Variants in SPACA7 observed in about 807,000 individuals in gnomAD.
SPACA7 encodes the protein sperm acrosome-associated protein 7.
A neutral mutation model predicts 26.3 loss-of-function variants in SPACA7; 19 were observed. The ratio of observed to expected loss-of-function variants is 0.72; its 90% CI spans 0.50 to 1.06. SPACA7 has a LOEUF of 1.06. Ranked by LOEUF, SPACA7 falls within the 50% of genes least tolerant of loss-of-function variation. The pLI, the probability that SPACA7 is intolerant of heterozygous loss-of-function variation, is 0.00. For missense variants in SPACA7, 211 were observed against 229.9 expected (o/e 0.92, Z 0.53); for synonymous variants, 84 against 84.5 (o/e 0.99, Z 0.04).
chr13:112,394,352 C>T (rs562796917), intron 2 of SPACA7, among the ~76,000 whole-genome samples: 73 of 151,690 alleles, frequency 4.8e-4, no homozygotes, highest in Admixed American at 1.3e-4. Context: ...GGAGTGGGGT[C>T]GGGGTAGAGG....
At chr13:112,397,216 G>T (rs1206148767) in intron 2 of SPACA7, among the ~76,000 whole-genome samples, 1 of 152,174 alleles carries the variant, frequency 6.6e-6, no homozygotes, top group Non-Finnish European at 1.5e-5. Context: ...CTGGTCCTGG[G>T]GTGACCAGAC....
intron 5 of SPACA7, among the ~76,000 whole-genome samples, chr13:112,412,671 T>A (rs540482774): frequency 6.6e-6 from 1 of 152,330 alleles, no homozygotes; most frequent in Non-Finnish European, 1.5e-5. Context: ...TTCTTCTGCA[T>A]ATGAATGTCC....
rs139687710 is a variant in SPACA7 at position 112,398,133 on chromosome 13, C to A, written c.236C>A (p.Pro79Gln). 1.6e-5 allele frequency: 25 copies of A among 1,612,770 alleles called. No individual in the cohort carries two copies. In the East Asian group the frequency reaches 5.3e-4, roughly 35 times the overall value. ...MPSTASTLST[P>Q]LHAGIDENYQ... ...AGTACAGCATCAACATTATCAACAC[C>A]GTTACGTAAGGAGAAAAGCAAGCAC... Residue 79 changes from proline to glutamine, a missense_variant, in exon 3 of 7, where the codon CCG (proline) becomes CAG (glutamine). Physicochemically the swap from Pro to Gln is moderately conservative, Grantham distance 76 (BLOSUM62 -1). Coordinates refer to ENST00000283550, the MANE Select transcript of SPACA7 (RefSeq NM_145248.5).
chr13:112,407,960 A>G (rs2138989524), intron 5 of SPACA7, among the ~76,000 whole-genome samples: 1 of 152,360 alleles, frequency 6.6e-6, no homozygotes, highest in Middle Eastern at 3.4e-3. Context: ...CATTGATGCA[A>G]AAATCCTCAA....
intron 2 of SPACA7, among the ~76,000 whole-genome samples, chr13:112,397,845 A>C (rs1187970918): frequency 6.6e-6 from 1 of 152,100 alleles, no homozygotes; most frequent in Non-Finnish European, 1.5e-5. Context: ...AGTTTTTCTG[A>C]AATTATTGAG....
intron 5 of SPACA7, among the ~76,000 whole-genome samples, chr13:112,418,038 T>G (rs1886801994): frequency 6.6e-6 from 1 of 152,220 alleles, no homozygotes; most frequent in Admixed American, 6.5e-5. Flanking sequence ...CCTAGGCAGC[T>G]GCCATAGTCC....
intron 4 of SPACA7, 90 bp downstream of exon 4, chr13:112,399,263 C>A: frequency 1.3e-6 from 1 of 761,156 alleles, no homozygotes; most frequent in South Asian, 1.4e-5. Context: ...ACATCTCCTT[C>A]CTGGAGGATA....
At chr13:112,430,718 G>A (rs990435908) in intron 5 of SPACA7, among the ~76,000 whole-genome samples, 17 of 152,112 alleles carry the variant, frequency 1.1e-4, no homozygotes, top group African/African-American at 3.4e-4. Flanking sequence ...TATTACCCAC[G>A]GGTTTCACCA....
intron 4 of SPACA7, among the ~76,000 whole-genome samples, chr13:112,400,510 T>C (rs944214327): frequency 6.6e-6 from 1 of 152,208 alleles, no homozygotes; most frequent in African/African-American, 2.4e-5. Context: ...TAGGGATTAC[T>C]ATAGTCTGTG....
chr13:112,395,282 G>C (rs1257725273), intron 2 of SPACA7, among the ~76,000 whole-genome samples: 2 of 152,242 alleles, frequency 1.3e-5, no homozygotes, highest in African/African-American at 4.8e-5. Flanking sequence ...CGAATTGGAA[G>C]CGAGGACAAA....
At chr13:112,412,226 A>C (rs1886397025) in intron 5 of SPACA7, among the ~76,000 whole-genome samples, 1 of 152,102 alleles carries the variant, frequency 6.6e-6, no homozygotes, top group Non-Finnish European at 1.5e-5. Flanking sequence ...CCTGTTGGCC[A>C]CTTGTATGGC....
intron 1 of SPACA7, among the ~76,000 whole-genome samples, chr13:112,383,137 GAAAGAAAGAAAGAAAGAA>G (rs1884265267): frequency 7.8e-5 from 1 of 12,792 alleles, no homozygotes; most frequent in Non-Finnish European, 1.8e-4. Flanking sequence ...AAGAAAGAAA[GAAAGAAAGAAAGAAAGAA>G]AGAAAGAAAG....
At chr13:112,387,227 G>T (rs372888502) in intron 1 of SPACA7, among the ~76,000 whole-genome samples, 2 of 152,178 alleles carry the variant, frequency 1.3e-5, no homozygotes, top group South Asian at 4.1e-4. Context: ...CCTAATTCCT[G>T]TCTTCTAGAT....
At chr13:112,390,071 G>C (rs182752336) in intron 1 of SPACA7, among the ~76,000 whole-genome samples, 127 of 151,982 alleles carry the variant, frequency 8.4e-4, no homozygotes, top group African/African-American at 2.9e-3. Flanking sequence ...GATTGTCTGG[G>C]TCCATAAAGC....
At chr13:112,388,760 T>A (rs1349894438) in intron 1 of SPACA7, among the ~76,000 whole-genome samples, 1 of 152,184 alleles carries the variant, frequency 6.6e-6, no homozygotes, top group Non-Finnish European at 1.5e-5. Flanking sequence ...TTTTTATTAC[T>A]CAAATCAGTC....
intron 2 of SPACA7, among the ~76,000 whole-genome samples, chr13:112,394,381 C>T (rs1482111748): frequency 6.6e-6 from 1 of 151,678 alleles, no homozygotes; most frequent in East Asian, 1.9e-4. Flanking sequence ...ACCTTCCACC[C>T]GGCAGGGCCC....
intron 1 of SPACA7, among the ~76,000 whole-genome samples, chr13:112,379,732 C>T (rs1883923991): frequency 6.6e-6 from 1 of 152,132 alleles, no homozygotes; most frequent in Admixed American, 6.5e-5. Flanking sequence ...GAGAACAAAT[C>T]CTTTGAGATT....
At chr13:112,415,507 G>A (rs1886635041) in intron 5 of SPACA7, among the ~76,000 whole-genome samples, 1 of 152,218 alleles carries the variant, frequency 6.6e-6, no homozygotes, top group South Asian at 2.1e-4. Context: ...GAGCTTCAGG[G>A]TTCTTCCCAG....
chr13:112,409,273 C>G (rs578254271), intron 5 of SPACA7, among the ~76,000 whole-genome samples: 13 of 152,242 alleles, frequency 8.5e-5, no homozygotes, highest in African/African-American at 3.1e-4. Context: ...TAGAAGAAAA[C>G]CTAGGCAATA....
Sources: allele counts gnomAD v4.1 joint callset (sites outside exome capture counted in the v4.1 genomes callset), GRCh38; gene constraint gnomAD v4.1.1; transcripts MANE v1.5; gene names NCBI Gene and HGNC (gene_info 2026-07-23, HGNC 2026-07-21).